WWOX: variants seen among roughly 807,000 people sequenced by gnomAD.
WWOX encodes the protein WW domain containing oxidoreductase.
Under a neutral mutation model 46.2 loss-of-function variants are expected in WWOX, and 69 were observed. That is an observed-to-expected ratio of 1.49 (90% CI 1.23 to 1.82). The LOEUF (loss-of-function observed/expected upper bound fraction) is 1.82, where lower values mean the gene tolerates loss of function less well. Among genes scored for constraint, WWOX ranks in the 40% most tolerant of loss-of-function variants. The pLI is 0.00. For missense variants in WWOX, 919 were observed against 542.6 expected, an observed-to-expected ratio of 1.69 and a Z score of -6.89; for synonymous variants, 359 against 202.6, an observed-to-expected ratio of 1.77 and a Z score of -6.56.
At chr16:78,495,093 C>G (rs987574294) in intron 8 of WWOX, among the ~76,000 whole-genome samples, 2 of 148,678 alleles carry the variant, frequency 1.3e-5, no homozygotes, top group African/African-American at 4.9e-5. Context: ...TAAGCTGCAT[C>G]TGTGTGCTTA....
At chr16:78,894,986 A>G (rs541165400) in intron 8 of WWOX, among the ~76,000 whole-genome samples, 1 of 152,316 alleles carries the variant, frequency 6.6e-6, no homozygotes, top group East Asian at 1.9e-4. Context: ...CTAGGTGTAC[A>G]GAAGCTGGAG....
At chr16:78,872,319 G>T (rs1464969087) in intron 8 of WWOX, among the ~76,000 whole-genome samples, 4 of 152,194 alleles carry the variant, frequency 2.6e-5, no homozygotes, top group Admixed American at 2.6e-4. Flanking sequence ...AGGAAATAAT[G>T]TAGGGAAAAC....
At chr16:79,168,120 C>T (rs1187592855) in intron 8 of WWOX, among the ~76,000 whole-genome samples, 2 of 152,178 alleles carry the variant, frequency 1.3e-5, no homozygotes, top group Non-Finnish European at 2.9e-5. Context: ...TCTTGTTTAT[C>T]TGTTCATCCA....
chr16:78,589,546 C>G lies in WWOX; in HGVS notation c.1056+156794C>G, dbSNP rs149628597. On this transcript the variant is annotated intron_variant, in intron 8 of 8. Coordinates refer to ENST00000566780, the MANE Select transcript of WWOX (RefSeq NM_016373.4). ...GAGTCCACCTTGGCAGAACCTGCAA[C>G]TCTTCAGCGCCTCCCTAATGAACTC... Among the ~76,000 whole-genome samples the G allele has an allele frequency of 6.3e-3, 960 of 152,316 alleles. 8 individuals carry two copies. Among genetic ancestry groups the G allele is most frequent in the African/African-American group, 0.022 (910 of 41,566 alleles).
intron 4 of WWOX, among the ~76,000 whole-genome samples, chr16:78,140,480 G>T (rs2033948596): frequency 6.6e-6 from 1 of 152,096 alleles, no homozygotes; most frequent in African/African-American, 2.4e-5. Context: ...TCAAGGTGTT[G>T]GTAGGGCCAT....
In WWOX at chr16:78,607,482, G is replaced by C. The variant is rs191713210; in HGVS notation, c.1056+174730G>C. Among the ~76,000 whole-genome samples the C allele has an allele frequency of 1.9e-3, 284 of 152,196 alleles. 2 individuals are homozygous for C. Among genetic ancestry groups the C allele is most frequent in the African/African-American group, 6.6e-3 (276 of 41,532 alleles). On this transcript the variant is annotated intron_variant, in intron 8 of 8. Coordinates refer to ENST00000566780, the MANE Select transcript of WWOX (RefSeq NM_016373.4). ...AAAATCTTTCAAAAATTGTTATAAA[G>C]ATTTTTATTGGTGCTAAGGGCTGTA...
intron 8 of WWOX, among the ~76,000 whole-genome samples, chr16:78,751,965 G>A (rs540063267): frequency 1.3e-3 from 204 of 151,954 alleles, no homozygotes; most frequent in African/African-American, 4.7e-3. Flanking sequence ...GTGGAAGTGG[G>A]CTGCCACAAT....
intron 8 of WWOX, among the ~76,000 whole-genome samples, chr16:78,464,027 G>T (rs1468567449): frequency 6.6e-6 from 1 of 152,174 alleles, no homozygotes; most frequent in Non-Finnish European, 1.5e-5. Context: ...AGGCAAGGCA[G>T]TGGGCTGTTG....
intron 8 of WWOX, among the ~76,000 whole-genome samples, chr16:79,209,272 C>T (rs372736343): frequency 6.6e-6 from 1 of 152,196 alleles, no homozygotes; most frequent in East Asian, 1.9e-4. Context: ...GCAACAATGG[C>T]ATTCTGAATC....
chr16:78,401,197 C>G (rs539111204), intron 6 of WWOX, among the ~76,000 whole-genome samples: 1 of 152,092 alleles, frequency 6.6e-6, no homozygotes, highest in African/African-American at 2.4e-5. Flanking sequence ...ATAAAGATTT[C>G]AAATATTTTT....
At chr16:78,635,460 G>A (rs1288092963) in intron 8 of WWOX, among the ~76,000 whole-genome samples, 1 of 152,168 alleles carries the variant, frequency 6.6e-6, no homozygotes, top group Non-Finnish European at 1.5e-5. Context: ...GGAGAATTGT[G>A]AAACATGCAC....
At position 78,976,693 on chromosome 16, in the gene WWOX, C is replaced by T. The variant is rs117175331; in HGVS notation, c.1057-234915C>T. Among the ~76,000 whole-genome samples the T allele has an allele frequency of 1.5e-3, 232 of 152,284 alleles. 4 individuals are homozygous for T. In the East Asian group the frequency reaches 0.036, roughly 24 times the overall value. ...AATAAAATAATCCAAAGAGAAAATG[C>T]CTGAGACCCACCAGGAGCTCACCAG... On this transcript the variant is annotated intron_variant, in intron 8 of 8. Coordinates refer to ENST00000566780, the MANE Select transcript of WWOX (RefSeq NM_016373.4).
intron 8 of WWOX, among the ~76,000 whole-genome samples, chr16:79,063,896 A>G (rs1007300051): frequency 6.6e-5 from 10 of 152,242 alleles, no homozygotes; most frequent in African/African-American, 2.4e-4. Flanking sequence ...ATTGTCAAAG[A>G]TAATGAGACT....
chr16:78,678,681 G>C (rs961550637), intron 8 of WWOX, among the ~76,000 whole-genome samples: 1 of 152,024 alleles, frequency 6.6e-6, no homozygotes, highest in Non-Finnish European at 1.5e-5. Context: ...GAGTAAGATT[G>C]GGTCTGAGAT....
At chr16:79,055,608 C>G (rs1478818847) in intron 8 of WWOX, among the ~76,000 whole-genome samples, 1 of 152,142 alleles carries the variant, frequency 6.6e-6, no homozygotes, top group African/African-American at 2.4e-5. Flanking sequence ...ACTGAAGATT[C>G]ATGGGCAGAA....
chr16:78,393,571 G>C (rs2082222048), intron 6 of WWOX, among the ~76,000 whole-genome samples: 1 of 152,098 alleles, frequency 6.6e-6, no homozygotes, highest in Non-Finnish European at 1.5e-5. Context: ...TGCAATCCTG[G>C]AACTTAAAAA....
intron 4 of WWOX, among the ~76,000 whole-genome samples, chr16:78,145,722 G>A (rs182111999): frequency 8.2e-4 from 125 of 152,204 alleles, no homozygotes; most frequent in African/African-American, 2.1e-3. Context: ...AGGCTTCTTC[G>A]TGTTCACATA....
intron 8 of WWOX, among the ~76,000 whole-genome samples, chr16:79,102,714 T>G (rs2049226357): frequency 6.6e-6 from 1 of 152,192 alleles, no homozygotes; most frequent in African/African-American, 2.4e-5. Context: ...GACACAATCC[T>G]AATATCTCGG....
chr16:79,065,934 A>G (rs2048432963), intron 8 of WWOX, among the ~76,000 whole-genome samples: 1 of 152,206 alleles, frequency 6.6e-6, no homozygotes, highest in Non-Finnish European at 1.5e-5. Flanking sequence ...TTGTTCTTGA[A>G]TACCTTAGAA....
Sources: gnomAD v4.1 joint callset for allele counts (sites outside exome capture counted in the v4.1 genomes callset) on GRCh38, gnomAD v4.1.1 for gene constraint, MANE v1.5 for transcripts, NCBI Gene and HGNC (gene_info 2026-07-23, HGNC 2026-07-21) for gene names.